The following ARSB variants were observed in gnomAD, a reference collection of about 807,000 sequenced individuals.
The protein encoded by ARSB is arylsulfatase B, also known as N-acetylgalactosamine-4-sulfatase.
In ARSB, 41 loss-of-function variants were observed where a neutral mutation model predicts 50.9. That is an observed-to-expected ratio of 0.81 (90% CI 0.63 to 1.04). ARSB has a LOEUF of 1.04. ARSB is among the 50% of genes least tolerant of loss of function. ARSB has a pLI of 0.00. For missense variants in ARSB, 672 were observed against 693.3 expected (o/e 0.97, Z 0.35); for synonymous variants, 269 against 284.8 (o/e 0.94, Z 0.56).
chr5:78,806,942 C>T lies in ARSB; in HGVS notation c.1214-24968G>A, dbSNP rs554962777. 9.2e-5 allele frequency among the ~76,000 whole-genome samples: 14 copies of T among 152,330 alleles called. No individual in the cohort carries two copies. In the East Asian group the frequency reaches 1.5e-3, roughly 17 times the overall value. On this transcript the variant is annotated intron_variant, in intron 6 of 7. Transcript: ENST00000264914. ...CATGCTCTCGCCATGCTTACTCTTC[C>T]GCTCCCTGTCACCTCCGATTAGCTA...
At position 78,968,996 on chromosome 5, in the gene ARSB, T is replaced by C. The variant is rs779812696; in HGVS notation, c.499+10A>G. 4 of 1,613,956 alleles carry C rather than the reference T, an allele frequency of 2.5e-6. No individual in the cohort carries two copies. Among genetic ancestry groups the C allele is most frequent in the Non-Finnish European group, 3.4e-6 (4 of 1,179,912 alleles). ...CTAAGTTGTTAAAGAAACATGTGCATTTCCATTACCAAAGTAGGTATCAAA... is the reference window on the plus strand; with the variant it reads ...CTAAGTTGTTAAAGAAACATGTGCACTTCCATTACCAAAGTAGGTATCAAA... On this transcript the variant is annotated intron_variant, in intron 2 of 7. Coordinates refer to ENST00000264914, the MANE Select transcript of ARSB (RefSeq NM_000046.5).
At chr5:78,919,161 T>C (rs1239132312) in intron 4 of ARSB, among the ~76,000 whole-genome samples, 3 of 152,218 alleles carry the variant, frequency 2.0e-5, no homozygotes. Context: ...GCTGTGACTT[T>C]ATACAGCATG....
chr5:78,850,080 C>G (rs1162325744), intron 5 of ARSB, among the ~76,000 whole-genome samples: 4 of 151,642 alleles, frequency 2.6e-5, no homozygotes, highest in African/African-American at 9.7e-5. Context: ...TTGCCCTGGC[C>G]AGAACTTCCA....
intron 4 of ARSB, among the ~76,000 whole-genome samples, chr5:78,941,430 G>C (rs1304258761): frequency 6.6e-6 from 1 of 152,150 alleles, no homozygotes; most frequent in Admixed American, 6.5e-5. Flanking sequence ...GTCATAGATA[G>C]CTCTTATTCT....
intron 1 of ARSB, among the ~76,000 whole-genome samples, chr5:78,982,995 T>C (rs1368420454): frequency 6.6e-6 from 1 of 152,148 alleles, no homozygotes; most frequent in African/African-American, 2.4e-5. Context: ...GACATAATTT[T>C]GGTGACTGGT....
intron 1 of ARSB, among the ~76,000 whole-genome samples, chr5:78,974,891 T>C (rs1355275700): frequency 6.6e-6 from 1 of 152,166 alleles, no homozygotes; most frequent in Non-Finnish European, 1.5e-5. Flanking sequence ...AGTGAGGCCA[T>C]CTTGCTTGTC....
At chr5:78,815,210 C>T (rs375983749) in intron 6 of ARSB, among the ~76,000 whole-genome samples, 3 of 150,790 alleles carry the variant, frequency 2.0e-5, no homozygotes, top group Non-Finnish European at 3.0e-5. Context: ...ATAAGGCAAA[C>T]GATCTCCCCT....
intron 1 of ARSB, among the ~76,000 whole-genome samples, chr5:78,972,244 C>T (rs187992706): frequency 2.4e-3 from 369 of 152,302 alleles, no homozygotes; most frequent in Non-Finnish European, 3.9e-3. Flanking sequence ...AGACTTCTTT[C>T]TCTATCTGCC....
chr5:78,980,880 G>C (rs1028965388), intron 1 of ARSB, among the ~76,000 whole-genome samples: 6 of 151,764 alleles, frequency 4.0e-5, no homozygotes, highest in Non-Finnish European at 8.8e-5. Context: ...GAATGAATGA[G>C]TCATAGGGCT....
intron 5 of ARSB, among the ~76,000 whole-genome samples, chr5:78,871,241 C>T (rs1747153259): frequency 6.6e-6 from 1 of 151,964 alleles, no homozygotes; most frequent in African/African-American, 2.4e-5. Context: ...CCATACTGCC[C>T]AAGGTAATTT....
intron 5 of ARSB, among the ~76,000 whole-genome samples, chr5:78,876,273 T>C (rs111851119): frequency 7.0e-4 from 107 of 152,296 alleles, no homozygotes; most frequent in African/African-American, 2.4e-3. Context: ...GCTGGGTCTG[T>C]ACTGATAGAT....
intron 2 of ARSB, among the ~76,000 whole-genome samples, chr5:78,968,731 C>A (rs1343178104): frequency 6.6e-6 from 1 of 152,158 alleles, no homozygotes; most frequent in Non-Finnish European, 1.5e-5. Context: ...ATAAGGGTCT[C>A]TGAGAGTACA....
intron 6 of ARSB, among the ~76,000 whole-genome samples, chr5:78,811,688 A>C (rs2112659778): frequency 1.3e-5 from 2 of 152,370 alleles, no homozygotes; most frequent in South Asian, 2.1e-4. Context: ...GGCATGAGAA[A>C]GTTCTCTTGC....
At chr5:78,926,508 T>C (rs1485165305) in intron 4 of ARSB, among the ~76,000 whole-genome samples, 2 of 152,140 alleles carry the variant, frequency 1.3e-5, no homozygotes, top group African/African-American at 4.8e-5. Context: ...CATCTTTCAA[T>C]GGAGTCACTG....
chr5:78,946,149 A>G (rs1438983002), intron 4 of ARSB, among the ~76,000 whole-genome samples: 1 of 152,236 alleles, frequency 6.6e-6, no homozygotes, highest in East Asian at 1.9e-4. Flanking sequence ...CATTGGCAGG[A>G]AAGTTGGGAC....
intron 5 of ARSB, among the ~76,000 whole-genome samples, chr5:78,854,379 C>T (rs1450089883): frequency 1.3e-5 from 2 of 152,214 alleles, no homozygotes; most frequent in Non-Finnish European, 2.9e-5. Flanking sequence ...ACATTTTCCT[C>T]TTAACACTTC....
chr5:78,936,090 CCTCT>C (rs1173485798), intron 4 of ARSB, among the ~76,000 whole-genome samples: 2 of 124,104 alleles, frequency 1.6e-5, no homozygotes, highest in African/African-American at 6.2e-5. Context: ...TTCCTCCCCG[CCTCT>C]CTCTCTTTCC....
intron 6 of ARSB, chr5:78,817,137 G>C: frequency 2.0e-6 from 2 of 984,950 alleles, no homozygotes; most frequent in Non-Finnish European, 2.4e-6. Flanking sequence ...TTCTCTACTG[G>C]GAGAGATAAA....
chr5:78,820,747 G>C (rs903424158), intron 6 of ARSB, among the ~76,000 whole-genome samples: 2 of 151,946 alleles, frequency 1.3e-5, no homozygotes, highest in Middle Eastern at 3.2e-3. Context: ...GGGATGTTTA[G>C]TACATCCCTG....
Sources: gnomAD v4.1 joint callset for allele counts (sites outside exome capture counted in the v4.1 genomes callset) on GRCh38, gnomAD v4.1.1 for gene constraint, MANE v1.5 for transcripts, NCBI Gene and HGNC (gene_info 2026-07-23, HGNC 2026-07-21) for gene names.